Variants in KIAA1328 observed in about 807,000 individuals in gnomAD.
KIAA1328 encodes protein hinderin.
In KIAA1328, 52 loss-of-function variants were observed where a neutral mutation model predicts 68.1. The ratio of observed to expected loss-of-function variants is 0.76; its 90% CI spans 0.61 to 0.96. The LOEUF (loss-of-function observed/expected upper bound fraction) is 0.96, where lower values mean the gene tolerates loss of function less well. KIAA1328 is among the 40% of genes least tolerant of loss of function. The probability of loss-of-function intolerance (pLI) is 0.00; values close to 1 mark genes in which losing one functional copy is unlikely to be tolerated. For missense variants in KIAA1328, 641 were observed against 677.6 expected (o/e 0.95, Z 0.60); for synonymous variants, 232 against 239.4 (o/e 0.97, Z 0.28).
chr18:36,890,203 C>T (rs1233909654), intron 5 of KIAA1328, among the ~76,000 whole-genome samples: 2 of 150,184 alleles, frequency 1.3e-5, no homozygotes, highest in Admixed American at 6.7e-5. Context: ...TTTAAAGGAA[C>T]TAGCTTTTTT....
intron 6 of KIAA1328, among the ~76,000 whole-genome samples, chr18:37,012,949 A>G (rs2054026009): frequency 6.6e-6 from 1 of 152,200 alleles, no homozygotes; most frequent in Admixed American, 6.6e-5. Flanking sequence ...ACTCAGTGGA[A>G]TATCAAAGGC....
intron 6 of KIAA1328, among the ~76,000 whole-genome samples, chr18:37,066,008 A>G (rs2056324870): frequency 6.6e-6 from 1 of 152,226 alleles, no homozygotes; most frequent in African/African-American, 2.4e-5. Flanking sequence ...GATCAGCAAC[A>G]TGAGCAAATT....
intron 5 of KIAA1328, among the ~76,000 whole-genome samples, chr18:36,917,407 A>G (rs2049750285): frequency 6.6e-6 from 1 of 152,028 alleles, no homozygotes; most frequent in South Asian, 2.1e-4. Flanking sequence ...TTCTTTTTAG[A>G]GATGGGGTCT....
At chr18:37,190,100 G>A (rs2059877274) in intron 9 of KIAA1328, among the ~76,000 whole-genome samples, 1 of 152,134 alleles carries the variant, frequency 6.6e-6, no homozygotes, top group Non-Finnish European at 1.5e-5. Context: ...GAAAGAGGTA[G>A]GTGGGAAATC....
chr18:36,887,869 G>A (rs912197125), intron 5 of KIAA1328, among the ~76,000 whole-genome samples: 3 of 152,152 alleles, frequency 2.0e-5, no homozygotes, highest in Non-Finnish European at 4.4e-5. Context: ...AGTGGAATTG[G>A]GATGAGTTGG....
intron 6 of KIAA1328, among the ~76,000 whole-genome samples, chr18:37,030,201 A>T (rs921683405): frequency 6.7e-6 from 1 of 148,824 alleles, no homozygotes; most frequent in Non-Finnish European, 1.5e-5. Context: ...TTTTTCCTTC[A>T]TTCATATTTT....
rs183816857 is a variant in KIAA1328 at position 37,122,698 on chromosome 18, G to T, written c.1233-37502G>T. 2.4e-4 allele frequency among the ~76,000 whole-genome samples: 36 copies of T among 152,078 alleles called. 1 individual carries two copies. Among genetic ancestry groups the T allele is most frequent in the Admixed American group, 2.0e-3 (31 of 15,258 alleles). On this transcript the variant is annotated intron_variant, in intron 7 of 9. Coordinates refer to ENST00000280020, the MANE Select transcript of KIAA1328 (RefSeq NM_020776.3). ...CAGGTAGTAAGGGTATTTCCATGTG[G>T]TATTCTCAATTTTCTCTGTGAATCA...
At chr18:37,004,182 G>A (rs1568279592) in intron 6 of KIAA1328, among the ~76,000 whole-genome samples, 4 of 152,024 alleles carry the variant, frequency 2.6e-5, no homozygotes, top group African/African-American at 9.7e-5. Flanking sequence ...TTGGCACTGT[G>A]GTCATTTTCA....
intron 5 of KIAA1328, among the ~76,000 whole-genome samples, chr18:36,904,283 T>G (rs1198706005): frequency 2.0e-5 from 3 of 152,146 alleles, no homozygotes; most frequent in Non-Finnish European, 4.4e-5. Flanking sequence ...ATATGCATAT[T>G]GATTTTCACC....
intron 5 of KIAA1328, among the ~76,000 whole-genome samples, chr18:36,908,303 T>C (rs2049296519): frequency 1.3e-5 from 2 of 152,166 alleles, no homozygotes. Flanking sequence ...TTTATTTATT[T>C]TAGCAACTTA....
intron 4 of KIAA1328, among the ~76,000 whole-genome samples, chr18:36,883,610 T>TAG (rs1479638704): frequency 6.6e-6 from 1 of 152,162 alleles, no homozygotes; most frequent in East Asian, 1.9e-4. Flanking sequence ...TCCTGCATCA[T>TAG]ACCCATAGGG....
intron 6 of KIAA1328, among the ~76,000 whole-genome samples, chr18:37,051,238 A>T (rs555827801): frequency 4.1e-4 from 63 of 152,220 alleles, no homozygotes; most frequent in African/African-American, 1.5e-3. Context: ...AGAGCAAAAA[A>T]AAAAACATAT....
At chr18:36,931,110 C>T (rs72887098) in intron 5 of KIAA1328, among the ~76,000 whole-genome samples, 20,726 of 152,034 alleles carry the variant, frequency 0.14, 1,771 homozygotes, top group Admixed American at 0.18. Context: ...TGCTTTTACT[C>T]AGCATCAATC....
intron 9 of KIAA1328, among the ~76,000 whole-genome samples, chr18:37,174,138 C>T (rs1568495349): frequency 6.6e-6 from 1 of 152,160 alleles, no homozygotes; most frequent in South Asian, 2.1e-4. Flanking sequence ...TCTTCACAAC[C>T]TTATGAGGTG....
chr18:37,117,112 A>T (rs2058131671), intron 7 of KIAA1328, among the ~76,000 whole-genome samples: 1 of 152,246 alleles, frequency 6.6e-6, no homozygotes, highest in South Asian at 2.1e-4. Flanking sequence ...GCGATTCCTC[A>T]GGGATCTAGA....
intron 7 of KIAA1328, among the ~76,000 whole-genome samples, chr18:37,078,558 GA>G (rs2056832863): frequency 6.8e-6 from 1 of 146,838 alleles, no homozygotes; most frequent in Non-Finnish European, 1.5e-5. Flanking sequence ...CAAAATGGGA[GA>G]AAATTTTCAC....
intron 9 of KIAA1328, among the ~76,000 whole-genome samples, chr18:37,209,031 A>C (rs2060267085): frequency 6.6e-6 from 1 of 152,222 alleles, no homozygotes. Context: ...TGGTTGTATT[A>C]ATGTAAATCA....
intron 7 of KIAA1328, among the ~76,000 whole-genome samples, chr18:37,159,611 A>G (rs963300191): frequency 6.6e-6 from 1 of 152,196 alleles, no homozygotes; most frequent in African/African-American, 2.4e-5. Flanking sequence ...ATTAGAGAAG[A>G]AAATATGTAC....
chr18:37,054,329 A>T (rs9946025), intron 6 of KIAA1328, among the ~76,000 whole-genome samples: 3 of 151,876 alleles, frequency 2.0e-5, no homozygotes, highest in Admixed American at 6.6e-5. Flanking sequence ...CAAAGGAAAA[A>T]AAATCATTTT....
Sources: allele counts gnomAD v4.1 joint callset (sites outside exome capture counted in the v4.1 genomes callset), GRCh38; gene constraint gnomAD v4.1.1; transcripts MANE v1.5; gene names NCBI Gene and HGNC (gene_info 2026-07-23, HGNC 2026-07-21).